Variants in ERBB4 observed in about 807,000 individuals in gnomAD.
ERBB4 encodes the protein erb-b2 receptor tyrosine kinase 4.
ERBB4 carries 42 observed loss-of-function variants against 158.0 expected under a neutral mutation model. The observed-to-expected ratio is 0.27, with a 90% CI of 0.21 to 0.34. The LOEUF is 0.34. ERBB4 is among the 10% of genes least tolerant of loss of function. ERBB4 has a pLI of 1.00. For missense variants in ERBB4, 1,333 were observed against 1,624.1 expected (o/e 0.82, Z 3.08); for synonymous variants, 583 against 558.7 (o/e 1.04, Z -0.61).
chr2:212,141,450 T>C (rs892876101), intron 1 of ERBB4, among the ~76,000 whole-genome samples: 1 of 151,974 alleles, frequency 6.6e-6, no homozygotes, highest in African/African-American at 2.4e-5. Context: ...TTCTTAGAAA[T>C]ACAAATAGGC....
intron 1 of ERBB4, among the ~76,000 whole-genome samples, chr2:212,429,957 G>A (rs1484337674): frequency 1.3e-5 from 2 of 152,194 alleles, no homozygotes; most frequent in South Asian, 4.1e-4. Flanking sequence ...AGTTGGAAGA[G>A]AGGCAGAAGT....
chr2:211,850,344 T>A (rs1240491242), intron 3 of ERBB4, among the ~76,000 whole-genome samples: 1 of 151,810 alleles, frequency 6.6e-6, no homozygotes, highest in Non-Finnish European at 1.5e-5. Flanking sequence ...ATATACATAT[T>A]CATATACATA....
At position 212,372,414 on chromosome 2, in the gene ERBB4, T is replaced by G. The variant is rs569741570; in HGVS notation, c.82+166035A>C. ...AACCCCTTGTTGACCTTAAATCCTA[T>G]AAGATCCAAGCTTCCTTTGCCTAGC... On this transcript the variant is annotated intron_variant, in intron 1 of 27. Coordinates refer to ENST00000342788, the MANE Select transcript of ERBB4 (RefSeq NM_005235.3). Among the ~76,000 whole-genome samples, 6 of 152,202 alleles carry G rather than the reference T, an allele frequency of 3.9e-5. No homozygotes were observed. In the East Asian group the frequency reaches 1.2e-3, roughly 29 times the overall value.
chr2:212,003,212 A>AGAAGGAAGGAAG lies in ERBB4; in HGVS notation c.235-55608_235-55597dup, dbSNP rs201981636. Among the ~76,000 whole-genome samples the AGAAGGAAGGAAG allele has an allele frequency of 6.7e-3, 270 of 40,472 alleles. 1 individual carries two copies. Among genetic ancestry groups the AGAAGGAAGGAAG allele is most frequent in the African/African-American group, 0.016 (255 of 15,648 alleles). The allele number at this position is 40,472 out of a possible 152,430, so 26.6% of individuals were successfully genotyped here. A position where few individuals can be genotyped will look rare whatever the true frequency, so the allele number is the denominator to read the frequency against. ...AAGAAAGAAAGAAAGAAAGACAGAA[A>AGAAGGAAGGAAG]GAAGGAAGGAAGGAAGGAAGGAAGG... On this transcript the variant is annotated intron_variant, in intron 2 of 27. Coordinates refer to ENST00000342788, the MANE Select transcript of ERBB4 (RefSeq NM_005235.3).
intron 1 of ERBB4, among the ~76,000 whole-genome samples, chr2:212,306,971 T>C (rs1340336263): frequency 2.0e-5 from 3 of 151,374 alleles, no homozygotes; most frequent in Non-Finnish European, 4.4e-5. Context: ...CATAACACAT[T>C]ATTCCTGAAA....
intron 1 of ERBB4, among the ~76,000 whole-genome samples, chr2:212,373,615 G>A (rs1395619793): frequency 6.6e-6 from 1 of 150,638 alleles, no homozygotes; most frequent in African/African-American, 2.4e-5. Context: ...GATACAAAAT[G>A]GGAGGTATTA....
Position 212,506,082 on chromosome 2 carries a change from T to G in ERBB4, c.82+32367A>C, listed in dbSNP as rs575499065. On this transcript the variant is annotated intron_variant, in intron 1 of 27. Transcript: ENST00000342788. ...ATAGAATTTTGTGAATTTTGGAAAT[T>G]CTCACAATATTTCAAACTTTATTAT... Among the ~76,000 whole-genome samples the G allele has an allele frequency of 2.7e-5, 4 of 149,028 alleles. No homozygotes were observed. In the East Asian group the frequency reaches 7.7e-4, roughly 29 times the overall value.
intron 1 of ERBB4, among the ~76,000 whole-genome samples, chr2:212,283,426 A>T (rs2085833878): frequency 6.6e-6 from 1 of 152,008 alleles, no homozygotes; most frequent in Non-Finnish European, 1.5e-5. Flanking sequence ...GATAGTAATT[A>T]TTGACAAACT....
intron 2 of ERBB4, among the ~76,000 whole-genome samples, chr2:212,112,393 T>G (rs1050196510): frequency 6.6e-6 from 1 of 152,156 alleles, no homozygotes; most frequent in Non-Finnish European, 1.5e-5. Context: ...TCCCCAAATT[T>G]TGTGGCTCTA....
At chr2:212,192,260 A>C in intron 1 of ERBB4, among the ~76,000 whole-genome samples, 1 of 116,068 alleles carries the variant, frequency 8.6e-6, no homozygotes, top group South Asian at 3.0e-4. Context: ...TTTCCCCTAT[A>C]CTCTGTCTGC....
At chr2:212,004,336 G>C (rs566139187) in intron 2 of ERBB4, among the ~76,000 whole-genome samples, 1 of 152,176 alleles carries the variant, frequency 6.6e-6, no homozygotes, top group Non-Finnish European at 1.5e-5. Flanking sequence ...CACCAAATAA[G>C]ATACCCACAA....
intron 8 of ERBB4, among the ~76,000 whole-genome samples, chr2:211,713,008 C>T (rs2073761614): frequency 6.6e-6 from 1 of 152,070 alleles, no homozygotes; most frequent in Admixed American, 6.5e-5. Context: ...AGATTCCTTC[C>T]TCCGCTAAAA....
intron 3 of ERBB4, among the ~76,000 whole-genome samples, chr2:211,797,977 TAC>T (rs1422388216): frequency 6.6e-6 from 1 of 152,114 alleles, no homozygotes. Context: ...TTGCTTTGTA[TAC>T]AGTTTCAAAT....
intron 1 of ERBB4, among the ~76,000 whole-genome samples, chr2:212,374,550 T>C (rs972794100): frequency 3.3e-5 from 5 of 151,896 alleles, no homozygotes; most frequent in Non-Finnish European, 7.4e-5. Flanking sequence ...TTTCCACATA[T>C]CATTCATGTT....
At chr2:212,509,983 G>A (rs544250287) in intron 1 of ERBB4, among the ~76,000 whole-genome samples, 1 of 151,578 alleles carries the variant, frequency 6.6e-6, no homozygotes, top group African/African-American at 2.4e-5. Context: ...ATGTCAGCAC[G>A]TAGCATGTAT....
intron 3 of ERBB4, among the ~76,000 whole-genome samples, chr2:211,875,036 A>C (rs1406285173): frequency 1.4e-4 from 20 of 144,572 alleles, no homozygotes; most frequent in Non-Finnish European, 2.7e-4. Flanking sequence ...AAAAAAAAAA[A>C]AAAAAAAAAA....
chr2:211,877,566 C>T (rs150574632), intron 3 of ERBB4, among the ~76,000 whole-genome samples: 3 of 147,226 alleles, frequency 2.0e-5, no homozygotes, highest in Middle Eastern at 3.6e-3. Flanking sequence ...TTTAAAATGT[C>T]TTTTTTTTTT....
chr2:211,515,896 T>TTTTATATATATATATATATATA lies in ERBB4; in HGVS notation c.2487+46006_2487+46007insTATATATATATATATATATAAA, dbSNP rs1394844699. Among the ~76,000 whole-genome samples, 14 of 88,936 alleles carry TTTTATATATATATATATATATA rather than the reference T, an allele frequency of 1.6e-4. 1 individual carries two copies. Among genetic ancestry groups the TTTTATATATATATATATATATA allele is most frequent in the African/African-American group, 4.2e-4 (8 of 19,110 alleles). 58.3% of individuals were successfully genotyped at this position (88,936 alleles called of 152,430 possible). On this transcript the variant is annotated intron_variant, in intron 20 of 27. Transcript: ENST00000342788. ...TTAGTAACTTATATAAAAACATATATTATATATATATATATATTTTTTTTT... is the reference window on the plus strand; with the variant it reads ...TTAGTAACTTATATAAAAACATATATTTTATATATATATATATATATATATATATATATATATATTTTTTTTT...
At chr2:212,284,468 GT>G (rs1377896974) in intron 1 of ERBB4, among the ~76,000 whole-genome samples, 1 of 152,058 alleles carries the variant, frequency 6.6e-6, no homozygotes, top group Non-Finnish European at 1.5e-5. Context: ...CCATTAAGCA[GT>G]CACCTATTAG....
Sources: gnomAD v4.1 joint callset for allele counts (sites outside exome capture counted in the v4.1 genomes callset) on GRCh38, gnomAD v4.1.1 for gene constraint, MANE v1.5 for transcripts, NCBI Gene and HGNC (gene_info 2026-07-23, HGNC 2026-07-21) for gene names.